Variants in PDE1A observed in about 807,000 individuals in gnomAD.
PDE1A encodes the protein dual specificity calcium/calmodulin-dependent 3',5'-cyclic nucleotide phosphodiesterase 1A.
In PDE1A, 35 loss-of-function variants were observed where a neutral mutation model predicts 61.7. The ratio of observed to expected loss-of-function variants is 0.57; its 90% confidence interval spans 0.43 to 0.75. PDE1A has a LOEUF of 0.75. Ranked by LOEUF, PDE1A falls within the 30% of genes least tolerant of loss-of-function variation. The pLI, the probability that PDE1A is intolerant of heterozygous loss-of-function variation, is 0.00. For synonymous variants in PDE1A, 232 were observed against 213.2 expected (o/e 1.09, Z -0.77); for missense variants, 597 against 630.6 (o/e 0.95, Z 0.57).
At chr2:182,169,900 ACACACACACACACACACACACG>A (rs1691987998) in intron 13 of PDE1A, among the ~76,000 whole-genome samples, 1 of 110,808 alleles carries the variant, frequency 9.0e-6, no homozygotes, top group South Asian at 3.1e-4. Context: ...AGACACACAC[ACACACACACACACACACACACG>A]CACACACACA....
rs746634580 is a variant in PDE1A at position 182,190,443 on chromosome 2, G to A, written c.1126-1383C>T. Among the ~76,000 whole-genome samples, 7 of 152,122 alleles carry A rather than the reference G, an allele frequency of 4.6e-5. No homozygotes were observed. In the East Asian group the frequency reaches 7.7e-4, roughly 17 times the overall value. ...GTCAGAAGATACAGTCAGCTGAATCGCTGCTGTCTAGGGGTTATTGCTGTT... is the reference window on the plus strand; with the variant it reads ...GTCAGAAGATACAGTCAGCTGAATCACTGCTGTCTAGGGGTTATTGCTGTT... On this transcript the variant is annotated intron_variant, in intron 10 of 13. Transcript: ENST00000351439.
At chr2:182,316,685 C>T (rs1352175794) in intron 1 of PDE1A, among the ~76,000 whole-genome samples, 1 of 152,110 alleles carries the variant, frequency 6.6e-6, no homozygotes, top group African/African-American at 2.4e-5. Context: ...CTTTTTAAAA[C>T]TGCATGACAA....
At chr2:182,381,282 C>T (rs1170543406) in intron 1 of PDE1A, among the ~76,000 whole-genome samples, 2 of 151,702 alleles carry the variant, frequency 1.3e-5, no homozygotes, top group Non-Finnish European at 2.9e-5. Flanking sequence ...GGAAGGGGAG[C>T]TTTCTATCAG....
At chr2:182,341,574 C>G (rs1698186357) in intron 1 of PDE1A, among the ~76,000 whole-genome samples, 1 of 152,152 alleles carries the variant, frequency 6.6e-6, no homozygotes, top group African/African-American at 2.4e-5. Context: ...TTTTGATAAA[C>G]AGGTGTGACA....
chr2:182,267,954 C>A (rs1294828764), intron 1 of PDE1A, among the ~76,000 whole-genome samples: 1 of 152,012 alleles, frequency 6.6e-6, no homozygotes, highest in South Asian at 2.1e-4. Flanking sequence ...ATCCAATAGA[C>A]AAATTCTCAG....
the PDE1A span, among the ~76,000 whole-genome samples, chr2:182,593,293 G>A: frequency 1.3e-5 from 2 of 152,166 alleles, no homozygotes; most frequent in Non-Finnish European, 2.9e-5. Context: ...CAAACCTAGG[G>A]ATTAAACTGG....
chr2:182,397,583 A>G (rs1701779338), intron 1 of PDE1A, among the ~76,000 whole-genome samples: 1 of 152,200 alleles, frequency 6.6e-6, no homozygotes. Context: ...TAAGGAGGAT[A>G]GTTTCACTGA....
chr2:182,294,419 G>A (rs1469675116), intron 1 of PDE1A, among the ~76,000 whole-genome samples: 1 of 152,030 alleles, frequency 6.6e-6, no homozygotes, highest in Non-Finnish European at 1.5e-5. Flanking sequence ...TTTTAATAAT[G>A]GCATTAATAA....
chr2:182,278,298 AAC>A lies in PDE1A; in HGVS notation c.54-13886_54-13885del, dbSNP rs147897243. ...TAATTTCAAAGTCTCTAGTGGATAT[AAC>A]ACACACACAAAAGTGGATATAACAC... On this transcript the variant is annotated intron_variant, in intron 1 of 13. Transcript: ENST00000351439. 1.2e-3 allele frequency among the ~76,000 whole-genome samples: 181 copies of A among 152,094 alleles called. 2 individuals carry two copies. The East Asian group carries it at 0.034, about 29-fold the overall frequency.
intron 2 of PDE1A, among the ~76,000 whole-genome samples, chr2:182,251,116 C>G (rs1691366316): frequency 6.6e-6 from 1 of 152,104 alleles, no homozygotes; most frequent in African/African-American, 2.4e-5. Flanking sequence ...AGGCATAGAG[C>G]CTAATGCTCC....
At chr2:182,373,486 C>T (rs182862542) in intron 1 of PDE1A, among the ~76,000 whole-genome samples, 1 of 152,194 alleles carries the variant, frequency 6.6e-6, no homozygotes, top group East Asian at 1.9e-4. Flanking sequence ...TCATGGTGGG[C>T]TTAAAAACAG....
At chr2:182,236,403 TA>T (rs1250934856) in intron 3 of PDE1A, among the ~76,000 whole-genome samples, 1 of 151,370 alleles carries the variant, frequency 6.6e-6, no homozygotes, top group Non-Finnish European at 1.5e-5. Context: ...CTATTAATAC[TA>T]AAAAAATGGA....
intron 2 of PDE1A, chr2:182,242,078 A>G: frequency 7.6e-7 from 1 of 1,309,704 alleles, no homozygotes; most frequent in Non-Finnish European, 9.7e-7. Context: ...TAATCTTGTG[A>G]TGTCACCATG....
intron 2 of PDE1A, among the ~76,000 whole-genome samples, chr2:182,459,085 G>A (rs1686108543): frequency 6.6e-6 from 1 of 151,898 alleles, no homozygotes; most frequent in Admixed American, 6.6e-5. Context: ...AATACATTTG[G>A]TTTATCACAA....
intron 1 of PDE1A, among the ~76,000 whole-genome samples, chr2:182,356,215 C>T (rs1366173833): frequency 1.3e-5 from 2 of 151,812 alleles, no homozygotes; most frequent in Non-Finnish European, 2.9e-5. Context: ...GAGGCTGAGG[C>T]AGGAGGATCA....
In PDE1A at chr2:182,206,079, A is replaced by G. The variant is rs1308843831; in HGVS notation, c.777-14T>C. The stretch of plus-strand genomic sequence containing the variant: ...GCAACATCTGACCTAAGAATTAAAA[A>G]CAAAATGCCCAACAGAGGATTTCTT... On this transcript the variant is annotated splice_polypyrimidine_tract_variant and intron_variant, in intron 7 of 13. Coordinates refer to ENST00000351439, the Ensembl canonical transcript of PDE1A. 2.5e-6 allele frequency: 4 copies of G among 1,598,248 alleles called. No individual in the cohort carries two copies. In the Admixed American group the frequency reaches 5.2e-5, roughly 21 times the overall value.
intron 2 of PDE1A, among the ~76,000 whole-genome samples, chr2:182,519,502 CTG>C (rs1339184119): frequency 6.6e-6 from 1 of 151,870 alleles, no homozygotes; most frequent in Non-Finnish European, 1.5e-5. Context: ...GAGTAAGAAA[CTG>C]TTTCACCTTT....
At chr2:182,277,824 G>T (rs1172941846) in intron 1 of PDE1A, among the ~76,000 whole-genome samples, 1 of 151,946 alleles carries the variant, frequency 6.6e-6, no homozygotes, top group Non-Finnish European at 1.5e-5. Context: ...GAATTAAACT[G>T]CCCTGTGGAA....
At chr2:182,321,351 A>G (rs1696676532) in intron 1 of PDE1A, among the ~76,000 whole-genome samples, 1 of 152,150 alleles carries the variant, frequency 6.6e-6, no homozygotes, top group African/African-American at 2.4e-5. Flanking sequence ...TTAATAGTTC[A>G]CAAGTTCTCC....
Sources: gnomAD v4.1 joint callset for allele counts (sites outside exome capture counted in the v4.1 genomes callset) on GRCh38, gnomAD v4.1.1 for gene constraint, MANE v1.5 for transcripts, NCBI Gene and HGNC (gene_info 2026-07-23, HGNC 2026-07-21) for gene names.